DNAH11: variants seen among roughly 807,000 people sequenced by gnomAD.
DNAH11 encodes the protein axonemal beta dynein heavy chain 11.
In DNAH11, 442 loss-of-function variants were observed where a neutral mutation model predicts 526.0. The ratio of observed to expected loss-of-function variants is 0.84; its 90% CI spans 0.78 to 0.91. The LOEUF is 0.91. Ranked by LOEUF, DNAH11 falls within the 40% of genes least tolerant of loss-of-function variation. DNAH11 has a pLI of 0.00. For synonymous variants in DNAH11, 2,461 were observed against 1,935.9 expected (o/e 1.27, Z -7.12); for missense variants, 6,989 against 5,448.7 (o/e 1.28, Z -8.90).
At chr7:21,560,083 A>G (rs1783393646) in intron 4 of DNAH11, among the ~76,000 whole-genome samples, 1 of 152,162 alleles carries the variant, frequency 6.6e-6, no homozygotes, top group Non-Finnish European at 1.5e-5. Flanking sequence ...TTAATTAGTC[A>G]ACTTAATTGA....
chr7:21,546,847 C>A (rs1277621169), intron 2 of DNAH11, among the ~76,000 whole-genome samples: 1 of 152,110 alleles, frequency 6.6e-6, no homozygotes. Context: ...GGGGCCTGGG[C>A]TTCTGTATTT....
intron 76 of DNAH11, among the ~76,000 whole-genome samples, chr7:21,885,711 G>A (rs989733207): frequency 2.2e-4 from 34 of 152,054 alleles, no homozygotes; most frequent in Middle Eastern, 6.8e-3. Context: ...TCAAAACATC[G>A]CATTGTACCC....
At position 21,818,285 on chromosome 7, in the gene DNAH11, C is replaced by T. The variant is rs374549012; in HGVS notation, c.10637C>T (p.Thr3546Met). Reference protein sequence around the residue: ...DVILIENLEETIDPVLDPLLG... With the variant: ...DVILIENLEEMIDPVLDPLLG... ...ATCTTAATTGAAAATCTCGAGGAAA[C>T]GATAGATCCAGTCCTGGATCCACTA... Residue 3546 changes from threonine (T) to methionine (M), a missense_variant, in exon 65 of 82, where the codon ACG (threonine) becomes ATG (methionine). Transcript: ENST00000409508. 5.7e-5 allele frequency: 92 copies of T among 1,611,784 alleles called. 1 individual carries two copies. The highest frequency in any genetic ancestry group is 3.3e-4 in the Middle Eastern group (2 of 6,056).
chr7:21,623,636 T>TA (rs1269693079), intron 25 of DNAH11, among the ~76,000 whole-genome samples: 3 of 151,954 alleles, frequency 2.0e-5, no homozygotes. Context: ...TATGCAGCCA[T>TA]AAAAAATGAT....
At chr7:21,661,859 A>C (rs1269130408) in intron 30 of DNAH11, among the ~76,000 whole-genome samples, 3 of 152,028 alleles carry the variant, frequency 2.0e-5, no homozygotes, top group Non-Finnish European at 4.4e-5. Context: ...CGCTCCTGTC[A>C]TCCAGTCTGG....
At chr7:21,738,483 G>A (rs563054652) in intron 46 of DNAH11, among the ~76,000 whole-genome samples, 1 of 152,308 alleles carries the variant, frequency 6.6e-6, no homozygotes, top group South Asian at 2.1e-4. Flanking sequence ...AAAAGGTGAG[G>A]TGGAATGACT....
At position 21,801,153 on chromosome 7, in the gene DNAH11, T is replaced by G; in HGVS notation, c.10043T>G (p.Leu3348Arg). ...RKKLVDLDRN[L>R]SRLTASFEKA... ...CTGATTCAGGATCTGGATCGAAATC[T>G]GAGCAGACTCACGGCTTCATTTGAA... The change falls in exon 62 of 82, where the codon CTG becomes CGG. Residue 3348 changes from leucine to arginine, a missense_variant. Physicochemically the swap from Leu to Arg is moderately radical, Grantham distance 102. Coordinates refer to ENST00000409508, the MANE Select transcript of DNAH11 (RefSeq NM_001277115.2). 1 of 1,610,016 alleles carries G rather than the reference T, an allele frequency of 6.2e-7. No individual in the cohort carries two copies. Among genetic ancestry groups the G allele is most frequent in the South Asian group, 1.1e-5 (1 of 90,174 alleles).
At chr7:21,668,467 A>T (rs1782509383) in intron 30 of DNAH11, among the ~76,000 whole-genome samples, 1 of 152,112 alleles carries the variant, frequency 6.6e-6, no homozygotes, top group Non-Finnish European at 1.5e-5. Flanking sequence ...ATCCTTTGAA[A>T]GTTTGTACTC....
At chr7:21,776,869 C>G (rs1428752019) in intron 56 of DNAH11, among the ~76,000 whole-genome samples, 2 of 152,056 alleles carry the variant, frequency 1.3e-5, no homozygotes, top group Non-Finnish European at 2.9e-5. Context: ...TAGTACAATG[C>G]CAAAACCAGG....
chr7:21,581,323 A>T (rs540744538), intron 8 of DNAH11, among the ~76,000 whole-genome samples: 2 of 152,304 alleles, frequency 1.3e-5, no homozygotes, highest in Non-Finnish European at 2.9e-5. Context: ...GAGGAAACTG[A>T]GGGATGCTAA....
chr7:21,680,532 T>G (rs1783095638), intron 30 of DNAH11, among the ~76,000 whole-genome samples: 1 of 152,196 alleles, frequency 6.6e-6, no homozygotes, highest in Non-Finnish European at 1.5e-5. Flanking sequence ...AGATCCAAGT[T>G]CACATGTTTA....
intron 54 of DNAH11, among the ~76,000 whole-genome samples, chr7:21,758,154 C>A (rs1786719387): frequency 6.6e-6 from 1 of 152,196 alleles, no homozygotes; most frequent in Non-Finnish European, 1.5e-5. Context: ...CTGTAAGTCT[C>A]TATGCTGCCA....
At position 21,635,941 on chromosome 7, in the gene DNAH11, A is replaced by G; in HGVS notation, c.4571A>G (p.Asn1524Ser). The G allele has an allele frequency of 6.2e-7, 1 of 1,613,464 alleles. No individual in the cohort carries two copies. The highest frequency in any genetic ancestry group is 1.1e-5 in the South Asian group (1 of 90,884). ...ATTGAGCAAGTGTTAAGCTGGCAAAATAAATTAAACATAGCAGACTTGGTC... is the reference window on the plus strand; with the variant it reads ...ATTGAGCAAGTGTTAAGCTGGCAAAGTAAATTAAACATAGCAGACTTGGTC... ...YFIEQVLSWQ[N>S]KLNIADLVIF... Residue 1524 changes from asparagine to serine, a missense_variant, in exon 26 of 82, where the codon AAT becomes AGT. Transcript: ENST00000409508.
intron 28 of DNAH11, among the ~76,000 whole-genome samples, chr7:21,643,519 A>T (rs529556020): frequency 1.1e-3 from 164 of 152,324 alleles, no homozygotes; most frequent in African/African-American, 3.9e-3. Flanking sequence ...TGTGCTTCTC[A>T]TGGGGTAGCT....
At chr7:21,562,340 G>C (rs1158856247) in intron 5 of DNAH11, among the ~76,000 whole-genome samples, 3 of 152,098 alleles carry the variant, frequency 2.0e-5, no homozygotes, top group Admixed American at 2.0e-4. Context: ...TGTCCCCTGG[G>C]GGCAAGATTT....
chr7:21,717,826 T>C lies in DNAH11; in HGVS notation c.7035T>C (p.Asn2345=). 1.9e-6 allele frequency: 3 copies of C among 1,613,916 alleles called. No homozygotes were observed. The highest frequency in any genetic ancestry group is 2.5e-6 in the Non-Finnish European group (3 of 1,179,832). Residue 2345 remains asparagine (N), a synonymous_variant, in exon 43 of 82, where the codon AAT becomes AAC. Coordinates refer to ENST00000409508, the MANE Select transcript of DNAH11 (RefSeq NM_001277115.2). ...DRRRHQSEKA[N]LTILFDKYVP... Reference sequence around the variant, plus strand: ...GGCGGCATCAATCAGAAAAGGCCAATTTGACTATTCTTTTTGATAAATATG... The same window carrying C: ...GGCGGCATCAATCAGAAAAGGCCAACTTGACTATTCTTTTTGATAAATATG...
intron 81 of DNAH11, among the ~76,000 whole-genome samples, 151 bp downstream of exon 81, chr7:21,900,271 G>A (rs1191292261): frequency 2.0e-5 from 3 of 152,152 alleles, no homozygotes; most frequent in African/African-American, 7.2e-5. Flanking sequence ...AATAATTTAA[G>A]TGCTGGGATG....
intron 46 of DNAH11, among the ~76,000 whole-genome samples, chr7:21,738,456 C>A (rs1202728925): frequency 6.6e-6 from 1 of 152,086 alleles, no homozygotes; most frequent in East Asian, 1.9e-4. Flanking sequence ...TCATGCTGCA[C>A]GTGCTGCAGT....
chr7:21,560,837 C>A (rs1315275973), intron 4 of DNAH11, among the ~76,000 whole-genome samples: 1 of 152,044 alleles, frequency 6.6e-6, no homozygotes, highest in Non-Finnish European at 1.5e-5. Context: ...TTATAACTAT[C>A]ACATATAATA....
Sources: gnomAD v4.1 joint callset for allele counts (sites outside exome capture counted in the v4.1 genomes callset) on GRCh38, gnomAD v4.1.1 for gene constraint, MANE v1.5 for transcripts, NCBI Gene and HGNC (gene_info 2026-07-23, HGNC 2026-07-21) for gene names.